The following SBF2 variants were observed in gnomAD, a reference collection of about 807,000 sequenced individuals.
SBF2 encodes SET binding factor 2.
Under a neutral mutation model 225.2 loss-of-function variants are expected in SBF2, and 112 were observed. That is an observed-to-expected ratio of 0.50 (90% CI 0.43 to 0.58). The LOEUF (loss-of-function observed/expected upper bound fraction) is 0.58. Among genes scored for constraint, SBF2 ranks in the 20% least tolerant of loss-of-function variants. The probability of loss-of-function intolerance (pLI) is 0.00; values close to 1 mark genes in which losing one functional copy is unlikely to be tolerated. For synonymous variants in SBF2, 763 were observed against 773.3 expected, an observed-to-expected ratio of 0.99 and a Z score of 0.22; for missense variants, 1,996 against 2,206.2, an observed-to-expected ratio of 0.90 and a Z score of 1.91.
At chr11:10,022,239 A>C (rs559286392) in intron 6 of SBF2, among the ~76,000 whole-genome samples, 31 of 152,288 alleles carry the variant, frequency 2.0e-4, no homozygotes, top group African/African-American at 6.5e-4. Flanking sequence ...TCTTATAAAC[A>C]AACAGGGGAA....
At chr11:9,858,924 C>T (rs1857514442) in intron 17 of SBF2, among the ~76,000 whole-genome samples, 1 of 152,174 alleles carries the variant, frequency 6.6e-6, no homozygotes, top group African/African-American at 2.4e-5. Context: ...AGCCCATTAC[C>T]TCCCCGCCAA....
intron 2 of SBF2, among the ~76,000 whole-genome samples, chr11:10,083,180 G>C (rs1373180272): frequency 6.6e-6 from 1 of 151,952 alleles, no homozygotes; most frequent in African/African-American, 2.4e-5. Flanking sequence ...TAACGAAGGA[G>C]GTGAAAGATC....
chr11:10,258,109 CT>C (rs1555098199), intron 1 of SBF2, among the ~76,000 whole-genome samples: 20 of 133,476 alleles, frequency 1.5e-4, no homozygotes, highest in Non-Finnish European at 2.3e-4. Context: ...CACACACACA[CT>C]TTTTTTTTTT....
intron 2 of SBF2, among the ~76,000 whole-genome samples, chr11:10,098,087 A>G (rs187942339): frequency 3.8e-4 from 58 of 152,192 alleles, no homozygotes; most frequent in Non-Finnish European, 2.9e-5. Flanking sequence ...TCTGCCAACT[A>G]GGCTATATGT....
In SBF2 at chr11:9,789,105, T is replaced by C; in HGVS notation, c.4932+4A>G. 6.2e-7 allele frequency: 1 copy of C among 1,613,668 alleles called. No individual in the cohort carries two copies. The highest frequency in any genetic ancestry group is 1.6e-4 in the Middle Eastern group (1 of 6,062). ...CCCTAGGTGTGTGTCTACAGTTGAC[T>C]TACACTGAAAAGGCTGGTGAGAGCA... On this transcript the variant is annotated splice_donor_region_variant and intron_variant, in intron 35 of 39. Coordinates refer to ENST00000256190, the MANE Select transcript of SBF2 (RefSeq NM_030962.4).
chr11:10,269,631 A>G (rs1263483509), intron 1 of SBF2, among the ~76,000 whole-genome samples: 1 of 152,250 alleles, frequency 6.6e-6, no homozygotes, highest in African/African-American at 2.4e-5. Context: ...TGAGGTAGAT[A>G]CTACTATTTA....
At chr11:10,223,721 T>C (rs149789216) in intron 1 of SBF2, among the ~76,000 whole-genome samples, 3 of 152,026 alleles carry the variant, frequency 2.0e-5, no homozygotes, top group African/African-American at 7.2e-5. Flanking sequence ...ATGAGTCCCA[T>C]AGTGTTATTC....
intron 16 of SBF2, among the ~76,000 whole-genome samples, chr11:9,942,263 C>T (rs1303283764): frequency 2.0e-5 from 3 of 152,104 alleles, no homozygotes; most frequent in African/African-American, 4.8e-5. Flanking sequence ...GACAGGGTTT[C>T]GCCATGTTGT....
chr11:10,026,986 A>G (rs1237117729), intron 6 of SBF2, among the ~76,000 whole-genome samples: 1 of 152,198 alleles, frequency 6.6e-6, no homozygotes, highest in East Asian at 1.9e-4. Context: ...CAAAAACTAT[A>G]TATTTACAGT....
At chr11:10,112,461 T>C (rs1348233499) in intron 2 of SBF2, among the ~76,000 whole-genome samples, 3 of 152,212 alleles carry the variant, frequency 2.0e-5, no homozygotes, top group Admixed American at 1.3e-4. Context: ...TGCTCCTCCT[T>C]GCCTTCCGCC....
rs1459809605 is a variant in SBF2 at position 10,204,986 on chromosome 11, C to T, written c.56-10999G>A. ...CAACACATGGACATAGGGAGGGGAA[C>T]AATACACACCGCGGCCTGTTGGGGG... On this transcript the variant is annotated intron_variant, in intron 1 of 39. Transcript: ENST00000256190. Among the ~76,000 whole-genome samples, 39 of 144,964 alleles carry T rather than the reference C, an allele frequency of 2.7e-4. 1 individual carries two copies. Among genetic ancestry groups the T allele is most frequent in the Non-Finnish European group, 1.5e-5 (1 of 66,328 alleles).
intron 6 of SBF2, among the ~76,000 whole-genome samples, chr11:10,004,854 T>C (rs953771766): frequency 2.6e-5 from 4 of 152,210 alleles, no homozygotes; most frequent in South Asian, 2.1e-4. Context: ...TTGTCTCTTA[T>C]ATACCTATGA....
chr11:9,859,216 G>T (rs1355696540), intron 17 of SBF2, among the ~76,000 whole-genome samples: 1 of 152,136 alleles, frequency 6.6e-6, no homozygotes, highest in Non-Finnish European at 1.5e-5. Flanking sequence ...TCTTTCAAAA[G>T]AACTGAAAGT....
At chr11:10,046,575 A>G (rs907121314) in intron 2 of SBF2, among the ~76,000 whole-genome samples, 4 of 152,160 alleles carry the variant, frequency 2.6e-5, no homozygotes, top group Middle Eastern at 6.8e-3. Context: ...TATTGATGAT[A>G]AACAGCCTCA....
intron 1 of SBF2, among the ~76,000 whole-genome samples, chr11:10,230,567 T>C (rs1161911756): frequency 6.6e-6 from 1 of 152,236 alleles, no homozygotes; most frequent in Non-Finnish European, 1.5e-5. Flanking sequence ...CCTTCACTTA[T>C]GAAGCTTAGT....
rs761829741 is a variant in SBF2, at chr11:9,993,096, T to G, written c.1061A>C (p.Glu354Ala). ...ALSHSKMLDKEVRAVFLRLFA... is the reference protein window; with the variant it reads ...ALSHSKMLDKAVRAVFLRLFA... The stretch of plus-strand genomic sequence containing the variant: ...TAATCTAAGGAAAACGGCTCGCACC[T>G]CTTTATCCTAAAAATATAAGAAGAA... Residue 354 changes from glutamate to alanine, a missense_variant, in exon 11 of 40, where the codon GAG becomes GCG. Transcript: ENST00000256190. 2.3e-5 allele frequency: 37 copies of G among 1,605,490 alleles called. No homozygotes were observed. The East Asian group carries it at 8.3e-4, about 36-fold the overall frequency.
At chr11:9,911,323 T>G (rs1862596954) in intron 16 of SBF2, among the ~76,000 whole-genome samples, 2 of 150,376 alleles carry the variant, frequency 1.3e-5, no homozygotes, top group South Asian at 4.2e-4. Flanking sequence ...GGCAGAAGTT[T>G]CAGTGAGCCA....
chr11:10,202,905 A>T (rs115970913), intron 1 of SBF2, among the ~76,000 whole-genome samples: 205 of 152,296 alleles, frequency 1.3e-3, no homozygotes, highest in African/African-American at 4.8e-3. Context: ...AAATCTACAA[A>T]ACAATGGTTT....
rs552340604 is a variant in SBF2, at chr11:9,850,148, T to G, written c.2681A>C (p.Asp894Ala). 5.6e-6 allele frequency: 9 copies of G among 1,614,094 alleles called. No homozygotes were observed. In the South Asian group the frequency reaches 7.7e-5, roughly 14 times the overall value. ...IVCEGLRVLL[D>A]PDGREEATGG... is the part of the protein sequence containing the mutation. Reference sequence around the variant, plus strand: ...AGTAGCTTCTTCTCTTCCATCAGGATCCAGCAAGACTCGAAGACCCTCACA... The same window carrying G: ...AGTAGCTTCTTCTCTTCCATCAGGAGCCAGCAAGACTCGAAGACCCTCACA... The change falls in exon 22 of 40, where the codon GAT (aspartate) becomes GCT (alanine). Residue 894 changes from aspartate to alanine, a missense_variant. Physicochemically the swap from Asp to Ala is moderately radical, Grantham distance 126. Coordinates refer to ENST00000256190, the MANE Select transcript of SBF2 (RefSeq NM_030962.4).
Sources: allele counts gnomAD v4.1 joint callset (sites outside exome capture counted in the v4.1 genomes callset), GRCh38; gene constraint gnomAD v4.1.1; transcripts MANE v1.5; gene names NCBI Gene and HGNC (gene_info 2026-07-23, HGNC 2026-07-21).